Variants in PARP12 observed in about 807,000 individuals in gnomAD.
PARP12 encodes the protein protein mono-ADP-ribosyltransferase PARP12.
A neutral mutation model predicts 72.4 loss-of-function variants in PARP12; 59 were observed. The observed-to-expected ratio is 0.81, with a 90% CI of 0.66 to 1.01. The LOEUF is 1.01. PARP12 is among the 50% of genes least tolerant of loss of function. PARP12 has a pLI of 0.00. For missense variants in PARP12, 851 were observed against 914.0 expected (o/e 0.93, Z 0.89); for synonymous variants, 403 against 371.4 (o/e 1.09, Z -0.98).
chr7:140,050,491 C>T (rs1235153863), intron 4 of PARP12, among the ~76,000 whole-genome samples: 9 of 152,198 alleles, frequency 5.9e-5, no homozygotes, highest in Non-Finnish European at 1.3e-4. Context: ...CCCACCATCA[C>T]TAGAATGAGG....
At chr7:140,053,344 C>T (rs1178622766) in intron 4 of PARP12, among the ~76,000 whole-genome samples, 1 of 152,154 alleles carries the variant, frequency 6.6e-6, no homozygotes, top group Non-Finnish European at 1.5e-5. Context: ...CAAGATAATA[C>T]ACTGTATGAT....
chr7:140,024,998 C>T lies in PARP12; in HGVS notation c.1781-113G>A. On this transcript the variant is annotated intron_variant, in intron 11 of 11. Coordinates refer to ENST00000263549, the MANE Select transcript of PARP12 (RefSeq NM_022750.4). The stretch of plus-strand genomic sequence containing the variant: ...AACGCCAGGGCCTCTACTCTTCCAC[C>T]CCGCATCTCCCTCCCTCCCTCTGTG... 3.4e-6 allele frequency: 3 copies of T among 884,512 alleles called. No homozygotes were observed. The East Asian group carries it at 7.9e-5, about 23-fold the overall frequency. 54.8% of individuals were successfully genotyped at this position (884,512 alleles called of 1,614,324 possible). A position where few individuals can be genotyped will look rare whatever the true frequency, so the allele number is the denominator to read the frequency against.
chr7:140,044,928 T>G (rs896280803), intron 5 of PARP12, among the ~76,000 whole-genome samples: 2 of 152,174 alleles, frequency 1.3e-5, no homozygotes, highest in Non-Finnish European at 2.9e-5. Flanking sequence ...AAAATGGTAA[T>G]TGTGTAAGCT....
Position 140,041,690 on chromosome 7 carries a change from C to A in PARP12, c.1136G>T (p.Trp379Leu). 6.2e-7 allele frequency: 1 copy of A among 1,614,120 alleles called. No homozygotes were observed. The highest frequency in any genetic ancestry group is 8.5e-7 in the Non-Finnish European group (1 of 1,180,024). The change falls in exon 6 of 12, where the codon TGG becomes TTG. Residue 379 changes from tryptophan to leucine, a missense_variant. Physicochemically the swap from Trp to Leu is moderately conservative, Grantham distance 61 (BLOSUM62 -2). Coordinates refer to ENST00000263549, the MANE Select transcript of PARP12 (RefSeq NM_022750.4). ...AGAACCAAACTCATCACTCCAGTAC[C>A]AAATCCAGTCAGTGGTGAGGATGAA... ...PHFILTTDWI[W>L]YWSDEFGSWQ...
At chr7:140,036,203 T>C (rs1816190686) in intron 7 of PARP12, among the ~76,000 whole-genome samples, 1 of 152,198 alleles carries the variant, frequency 6.6e-6, no homozygotes, top group Non-Finnish European at 1.5e-5. Flanking sequence ...GGGTGTGGCC[T>C]AGGTTGGGAA....
chr7:140,028,540 G>C, intron 9 of PARP12, 73 bp downstream of exon 9: 1 of 1,314,964 alleles, frequency 7.6e-7, no homozygotes, highest in Non-Finnish European at 1.0e-6. Flanking sequence ...TTGAGGAATG[G>C]CACAGTCTGT....
At chr7:140,034,670 G>A (rs2116541144) in intron 7 of PARP12, 1 of 198,262 alleles carries the variant, frequency 5.0e-6, no homozygotes, top group Admixed American at 5.7e-5. Context: ...CCTCAGCCCA[G>A]CCTGAGATCA....
intron 5 of PARP12, among the ~76,000 whole-genome samples, chr7:140,045,552 T>C (rs1190309635): frequency 1.3e-5 from 2 of 152,236 alleles, no homozygotes; most frequent in African/African-American, 4.8e-5. Flanking sequence ...CTTTCATTGT[T>C]TGACAGAATG....
At chr7:140,058,366 C>T (rs557093647) in intron 1 of PARP12, among the ~76,000 whole-genome samples, 6 of 152,076 alleles carry the variant, frequency 3.9e-5, no homozygotes, top group African/African-American at 7.2e-5. Context: ...AAAAAATTAG[C>T]GGGGCGTGGT....
At chr7:140,038,006 G>A (rs1387801379) in intron 6 of PARP12, 150 bp from the exon 7 acceptor site, 27 of 1,439,528 alleles carry the variant, frequency 1.9e-5, no homozygotes, top group Non-Finnish European at 2.4e-5. Flanking sequence ...TATGGCAGGA[G>A]AGAGAGGCAC....
intron 4 of PARP12, among the ~76,000 whole-genome samples, chr7:140,051,281 A>T (rs1816947094): frequency 6.6e-6 from 1 of 152,242 alleles, no homozygotes; most frequent in Non-Finnish European, 1.5e-5. Flanking sequence ...AGACGATACC[A>T]GCCATTTAGT....
At chr7:140,050,914 C>G (rs573216572) in intron 4 of PARP12, among the ~76,000 whole-genome samples, 1 of 152,194 alleles carries the variant, frequency 6.6e-6, no homozygotes, top group African/African-American at 2.4e-5. Context: ...AAATCATATA[C>G]AAAACACAAC....
At chr7:140,061,726 C>G (rs948452069) in intron 1 of PARP12, among the ~76,000 whole-genome samples, 5 of 152,174 alleles carry the variant, frequency 3.3e-5, no homozygotes, top group African/African-American at 1.2e-4. Flanking sequence ...ATGCTATGCA[C>G]AGAACATGGA....
rs548713756 is a variant in PARP12 at position 140,061,977 on chromosome 7, A to G, written c.326+545T>C. ...TCCCAGAAATGCCCAGGCTCCCAGA[A>G]ATGCCCGGGGGGGGGGGGGTGTTCC... On this transcript the variant is annotated intron_variant, in intron 1 of 11. Transcript: ENST00000263549. 4.5e-3 allele frequency among the ~76,000 whole-genome samples: 189 copies of G among 42,408 alleles called. 1 individual carries two copies. The highest frequency in any genetic ancestry group is 8.6e-3 in the Non-Finnish European group (143 of 16,532). 27.8% of individuals were successfully genotyped at this position (42,408 alleles called of 152,430 possible). A position where few individuals can be genotyped will look rare whatever the true frequency, so the allele number is the denominator to read the frequency against.
In PARP12 at chr7:140,046,958, C is replaced by G. The variant is rs758373993; in HGVS notation, c.912G>C (p.Leu304Phe). ...HFHLPYRWQF[L>F]DRGKWEDLDN... ...CCAAATCCTCCCATTTGCCTCTATCCAAGAATTGCCATCGATACGGCAAAT... is the reference window on the plus strand; with the variant it reads ...CCAAATCCTCCCATTTGCCTCTATCGAAGAATTGCCATCGATACGGCAAAT... The change falls in exon 5 of 12, where the codon TTG becomes TTC. Residue 304 changes from leucine to phenylalanine, a missense_variant. Physicochemically the swap from Leu to Phe is conservative, Grantham distance 22. Transcript: ENST00000263549. 7.4e-6 allele frequency: 12 copies of G among 1,613,972 alleles called. No homozygotes were observed. The highest frequency in any genetic ancestry group is 2.7e-5 in the African/African-American group (2 of 75,024).
chr7:140,060,331 C>T (rs541350544), intron 1 of PARP12, among the ~76,000 whole-genome samples: 15 of 152,256 alleles, frequency 9.9e-5, no homozygotes, highest in African/African-American at 3.1e-4. Context: ...CCCAGGACTC[C>T]GTACCAGCTC....
At chr7:140,047,046 T>G in intron 4 of PARP12, 39 bp from the exon 5 acceptor site, 1 of 1,583,436 alleles carries the variant, frequency 6.3e-7, no homozygotes, top group Non-Finnish European at 8.6e-7. Context: ...AGCTGGGCAA[T>G]ACACAGCATG....
chr7:140,047,335 A>C (rs1816772687), intron 4 of PARP12, among the ~76,000 whole-genome samples: 1 of 152,168 alleles, frequency 6.6e-6, no homozygotes, highest in African/African-American at 2.4e-5. Context: ...ATGGGTTATC[A>C]TGAGAGTGGA....
rs9340757 is a variant in PARP12 at position 140,046,721 on chromosome 7, A to AGTGTGTGTGTGTGTGTGTGT, written c.986+143_986+162dup. On this transcript the variant is annotated intron_variant, in intron 5 of 11. Coordinates refer to ENST00000263549, the MANE Select transcript of PARP12 (RefSeq NM_022750.4). ...TCTACCTCCAGACTAGGTGGCTCAC[A>AGTGTGTGTGTGTGTGTGTGT]GTGTGTGTGTGTGTGTGTGTGTGTG... Among the ~76,000 whole-genome samples the AGTGTGTGTGTGTGTGTGTGT allele has an allele frequency of 2.8e-3, 376 of 135,480 alleles. 1 individual carries two copies. The highest frequency in any genetic ancestry group is 4.2e-3 in the Non-Finnish European group (264 of 63,342). The allele number at this position is 135,480 out of a possible 152,430, so 88.9% of individuals were successfully genotyped here. A position where few individuals can be genotyped will look rare whatever the true frequency, so the allele number is the denominator to read the frequency against.
Sources: gnomAD v4.1 joint callset for allele counts (sites outside exome capture counted in the v4.1 genomes callset) on GRCh38, gnomAD v4.1.1 for gene constraint, MANE v1.5 for transcripts, NCBI Gene and HGNC (gene_info 2026-07-23, HGNC 2026-07-21) for gene names.